Variants in PRUNE2 observed in about 807,000 individuals in gnomAD.
PRUNE2 encodes prune homolog 2 with BCH domain.
Under a neutral mutation model 252.0 loss-of-function variants are expected in PRUNE2, and 164 were observed. That is an observed-to-expected ratio of 0.65 (90% CI 0.57 to 0.74). PRUNE2 has a LOEUF of 0.74. Ranked by LOEUF, PRUNE2 falls within the 30% of genes least tolerant of loss-of-function variation. The pLI, the probability that PRUNE2 is intolerant of heterozygous loss-of-function variation, is 0.00. For missense variants in PRUNE2, 3,495 were observed against 3,711.0 expected, an observed-to-expected ratio of 0.94 and a Z score of 1.51; for synonymous variants, 1,292 against 1,350.2, an observed-to-expected ratio of 0.96 and a Z score of 0.94.
In PRUNE2 at chr9:76,745,595, T is replaced by C. The variant is rs529386101; in HGVS notation, c.757-31874A>G. Among the ~76,000 whole-genome samples the C allele has an allele frequency of 2.6e-3, 398 of 152,148 alleles. 1 individual carries two copies. The highest frequency in any genetic ancestry group is 9.3e-3 in the African/African-American group (387 of 41,516). On this transcript the variant is annotated intron_variant, in intron 6 of 18. Transcript: ENST00000376718. Reference sequence around the variant, plus strand: ...CCAACCAATCAGTAGCAAGCACCCATTGCCTAGTACCTCCCCCTTCCCCCA... The same window carrying C: ...CCAACCAATCAGTAGCAAGCACCCACTGCCTAGTACCTCCCCCTTCCCCCA...
rs116027276 is a variant in PRUNE2, at chr9:76,654,293, C to T, written c.8356+1130G>A. On this transcript the variant is annotated intron_variant, in intron 10 of 18. Transcript: ENST00000376718. ...TTCAACTCTGGAATTCTGGCTCTGG[C>T]CTTGTCCTGGAGAAATTGGCACTGT... Among the ~76,000 whole-genome samples, 1,440 of 152,304 alleles carry T rather than the reference C, an allele frequency of 9.5e-3. 19 individuals are homozygous for T. Among genetic ancestry groups the T allele is most frequent in the African/African-American group, 0.032 (1,347 of 41,554 alleles).
intron 11 of PRUNE2, among the ~76,000 whole-genome samples, chr9:76,647,023 T>C (rs1845180348): frequency 6.6e-6 from 1 of 152,028 alleles, no homozygotes; most frequent in Non-Finnish European, 1.5e-5. Context: ...ACCCAGTCTC[T>C]ACAAAAAATA....
chr9:76,623,242 CAT>C (rs1833124077), intron 17 of PRUNE2, among the ~76,000 whole-genome samples: 1 of 151,342 alleles, frequency 6.6e-6, no homozygotes, highest in Admixed American at 6.6e-5. Flanking sequence ...TTATATCTAA[CAT>C]GTATTATCAG....
Position 76,704,743 on chromosome 9 carries a change from G to A in PRUNE2, c.7513+18C>T. Reference sequence around the variant, plus strand: ...ACGCAGCAGTTTCTTGGAAGTGGAAGAATGGAATGTTTCTTACCATTTGGT... The same window carrying A: ...ACGCAGCAGTTTCTTGGAAGTGGAAAAATGGAATGTTTCTTACCATTTGGT... On this transcript the variant is annotated intron_variant, in intron 8 of 18. Transcript: ENST00000376718. 6.8e-7 allele frequency: 1 copy of A among 1,471,268 alleles called. No homozygotes were observed. The highest frequency in any genetic ancestry group is 9.2e-7 in the Non-Finnish European group (1 of 1,089,532). The allele number at this position is 1,471,268 out of a possible 1,614,324, so 91.1% of individuals were successfully genotyped here. A position where few individuals can be genotyped will look rare whatever the true frequency, so the allele number is the denominator to read the frequency against.
Position 76,887,713 on chromosome 9 carries a change from A to G in PRUNE2, c.36+18215T>C, listed in dbSNP as rs546217765. Among the ~76,000 whole-genome samples, 4 of 152,348 alleles carry G rather than the reference A, an allele frequency of 2.6e-5. No individual in the cohort carries two copies. The East Asian group carries it at 7.7e-4, about 29-fold the overall frequency. On this transcript the variant is annotated intron_variant, in intron 1 of 18. Transcript: ENST00000376718. ...CTCTTCTTCTACCCATGAGAGCAGC[A>G]TATCCCAGACAGCTGTTGCTCCTTT...
chr9:76,756,370 C>T (rs2051148550), intron 6 of PRUNE2, among the ~76,000 whole-genome samples: 1 of 152,194 alleles, frequency 6.6e-6, no homozygotes, highest in African/African-American at 2.4e-5. Context: ...CTGGCCTAAA[C>T]CAGTCCCTGG....
intron 1 of PRUNE2, among the ~76,000 whole-genome samples, chr9:76,892,122 C>T (rs1328735290): frequency 6.6e-6 from 1 of 152,200 alleles, no homozygotes; most frequent in African/African-American, 2.4e-5. Flanking sequence ...TGGTGTGGCA[C>T]AGTTTCTGTT....
intron 6 of PRUNE2, among the ~76,000 whole-genome samples, chr9:76,780,935 A>G (rs933715849): frequency 2.0e-5 from 3 of 152,152 alleles, no homozygotes; most frequent in African/African-American, 4.8e-5. Flanking sequence ...CATCTGAGAA[A>G]GTGGTCTAGG....
rs554694630 is a variant in PRUNE2 at position 76,817,632 on chromosome 9, T to C, written c.756+6000A>G. 4 of 152,352 alleles carry C rather than the reference T, an allele frequency of 2.6e-5. No individual in the cohort carries two copies. In the South Asian group the frequency reaches 8.3e-4, roughly 32 times the overall value. The allele number at this position is 152,352 out of a possible 1,614,324, so 9.4% of individuals were successfully genotyped here. ...AACCTTGGAAACCACATATTGAAGATGGTCTCTGAATCACCCCTGGCCACC... is the reference window on the plus strand; with the variant it reads ...AACCTTGGAAACCACATATTGAAGACGGTCTCTGAATCACCCCTGGCCACC... On this transcript the variant is annotated intron_variant, in intron 6 of 18. Coordinates refer to ENST00000376718, the MANE Select transcript of PRUNE2 (RefSeq NM_015225.3).
chr9:76,728,097 C>T (rs2048278248), intron 6 of PRUNE2, among the ~76,000 whole-genome samples: 1 of 152,006 alleles, frequency 6.6e-6, no homozygotes, highest in Admixed American at 6.6e-5. Flanking sequence ...TAATGGTAAC[C>T]TAAAATATGG....
chr9:76,688,456 G>C lies in PRUNE2; in HGVS notation c.8276+14881C>G, dbSNP rs1011860740. On this transcript the variant is annotated intron_variant, in intron 9 of 18. Coordinates refer to ENST00000376718, the MANE Select transcript of PRUNE2 (RefSeq NM_015225.3). ...TATCAAGTAACTCACCAAGGCTGCA[G>C]GTTCTCAGACACGAAGAATGAAATG... Among the ~76,000 whole-genome samples the C allele has an allele frequency of 3.3e-5, 5 of 152,314 alleles. No individual in the cohort carries two copies. The East Asian group carries it at 5.8e-4, about 18-fold the overall frequency.
chr9:76,854,907 T>C (rs980901250), intron 1 of PRUNE2, among the ~76,000 whole-genome samples: 1 of 149,006 alleles, frequency 6.7e-6, no homozygotes, highest in Admixed American at 6.7e-5. Flanking sequence ...TACTAAAAAA[T>C]AAAAAAAAAT....
In PRUNE2 at chr9:76,679,613, A is replaced by G. The variant is rs536917269; in HGVS notation, c.8276+23724T>C. 3.9e-5 allele frequency among the ~76,000 whole-genome samples: 6 copies of G among 152,274 alleles called. No individual in the cohort carries two copies. The South Asian group carries it at 1.0e-3, about 26-fold the overall frequency. ...TGAAGCTGCAGTGAGCTATGATTGT[A>G]TCATGTCACTGCACCCCAGCCTGGA... On this transcript the variant is annotated intron_variant, in intron 9 of 18. Transcript: ENST00000376718.
rs116455396 is a variant in PRUNE2, at chr9:76,804,841, C to A, written c.756+18791G>T. Among the ~76,000 whole-genome samples, 1,345 of 152,256 alleles carry A rather than the reference C, an allele frequency of 8.8e-3. 16 individuals carry two copies. The highest frequency in any genetic ancestry group is 0.031 in the African/African-American group (1,275 of 41,544). Reference sequence around the variant, plus strand: ...CCATTTCCTCCAAGTTTTTTGAAAACTTCTCTCTTCCTCTTCCTTTCAGGC... The same window carrying A: ...CCATTTCCTCCAAGTTTTTTGAAAAATTCTCTCTTCCTCTTCCTTTCAGGC... On this transcript the variant is annotated intron_variant, in intron 6 of 18. Coordinates refer to ENST00000376718, the MANE Select transcript of PRUNE2 (RefSeq NM_015225.3).
intron 1 of PRUNE2, among the ~76,000 whole-genome samples, chr9:76,888,307 G>C (rs112316173): frequency 6.6e-6 from 1 of 152,156 alleles, no homozygotes; most frequent in Non-Finnish European, 1.5e-5. Flanking sequence ...GGCTGGGCAC[G>C]GTGGCTCACG....
chr9:76,635,162 G>A (rs1839472489), intron 15 of PRUNE2, among the ~76,000 whole-genome samples: 1 of 152,044 alleles, frequency 6.6e-6, no homozygotes, highest in Non-Finnish European at 1.5e-5. Context: ...AGTAGAGATG[G>A]GGTTTCACCA....
chr9:76,671,821 G>C lies in PRUNE2; in HGVS notation c.8277-16319C>G, dbSNP rs28854589. ...CAAACTAAGCTTCATAAGTGAAGGA[G>C]AAATAAAATACTTTACAGACAAGCA... On this transcript the variant is annotated intron_variant, in intron 9 of 18. Coordinates refer to ENST00000376718, the MANE Select transcript of PRUNE2 (RefSeq NM_015225.3). Among the ~76,000 whole-genome samples the C allele has an allele frequency of 3.8e-3, 571 of 151,052 alleles. 5 individuals are homozygous for C. Among genetic ancestry groups the C allele is most frequent in the African/African-American group, 0.013 (549 of 41,168 alleles).
At chr9:76,659,714 C>G (rs893355679) in intron 9 of PRUNE2, among the ~76,000 whole-genome samples, 23 of 152,116 alleles carry the variant, frequency 1.5e-4, no homozygotes, top group Middle Eastern at 3.4e-3. Context: ...CTCCAATGAG[C>G]ATTTCCTCTG....
At chr9:76,781,333 C>G (rs1589196580) in intron 6 of PRUNE2, among the ~76,000 whole-genome samples, 1 of 152,246 alleles carries the variant, frequency 6.6e-6, no homozygotes, top group South Asian at 2.1e-4. Flanking sequence ...CCCACCACCT[C>G]TCCAGCCATG....
Sources: gnomAD v4.1 joint callset for allele counts (sites outside exome capture counted in the v4.1 genomes callset) on GRCh38, gnomAD v4.1.1 for gene constraint, MANE v1.5 for transcripts, NCBI Gene and HGNC (gene_info 2026-07-23, HGNC 2026-07-21) for gene names.